The following NEK9 variants were observed in gnomAD, a reference collection of about 807,000 sequenced individuals.
NEK9 encodes NIMA related kinase 9.
A neutral mutation model predicts 123.4 loss-of-function variants in NEK9; 75 were observed. That is an observed-to-expected ratio of 0.61 (90% confidence interval 0.50 to 0.74). The LOEUF (loss-of-function observed/expected upper bound fraction) is 0.74. Ranked by LOEUF, NEK9 falls within the 30% of genes least tolerant of loss-of-function variation. The pLI, the probability that NEK9 is intolerant of heterozygous loss-of-function variation, is 0.00. For missense variants in NEK9, 952 were observed against 1,214.4 expected, an observed-to-expected ratio of 0.78 and a Z score of 3.21; for synonymous variants, 438 against 458.7, an observed-to-expected ratio of 0.95 and a Z score of 0.58.
chr14:75,106,137 T>C, intron 12 of NEK9, 141 bp from the exon 13 acceptor site: 2 of 738,566 alleles, frequency 2.7e-6, no homozygotes, highest in Non-Finnish European at 4.8e-6. Flanking sequence ...AGGTGGATCA[T>C]GAGGTCAGAA....
chr14:75,115,394 G>A (rs757863438), intron 6 of NEK9, among the ~76,000 whole-genome samples: 24 of 152,148 alleles, frequency 1.6e-4, no homozygotes, highest in Non-Finnish European at 2.2e-4. Flanking sequence ...TGGGATCACA[G>A]GCATGAGCCA....
At chr14:75,103,087 A>C (rs1894644949) in intron 14 of NEK9, among the ~76,000 whole-genome samples, 1 of 152,158 alleles carries the variant, frequency 6.6e-6, no homozygotes, top group African/African-American at 2.4e-5. Flanking sequence ...CGATATACCT[A>C]ATGTAAATGA....
chr14:75,113,809 A>G (rs1217940156), intron 7 of NEK9, among the ~76,000 whole-genome samples: 1 of 152,210 alleles, frequency 6.6e-6, no homozygotes, highest in Non-Finnish European at 1.5e-5. Flanking sequence ...GTTTCATGAA[A>G]CATACTTTGA....
chr14:75,120,411 C>T, intron 4 of NEK9, 99 bp downstream of exon 4: 1 of 738,692 alleles, frequency 1.4e-6, no homozygotes, highest in South Asian at 1.8e-5. Context: ...AAACTCTTGG[C>T]TGCTTAACCA....
chr14:75,119,782 A>G (rs1256568817), intron 4 of NEK9, among the ~76,000 whole-genome samples: 1 of 152,252 alleles, frequency 6.6e-6, no homozygotes, highest in Non-Finnish European at 1.5e-5. Flanking sequence ...ACCATATGTA[A>G]AACAAAATAA....
At chr14:75,089,768 G>A (rs1461368522) in intron 19 of NEK9, among the ~76,000 whole-genome samples, 5 of 151,290 alleles carry the variant, frequency 3.3e-5, no homozygotes, top group South Asian at 4.2e-4. Flanking sequence ...GCGCAATCTC[G>A]GCTCACTGCA....
rs1895564966 is a variant in NEK9 at position 75,127,045 on chromosome 14, T to C, written c.-124A>G. 1.4e-6 allele frequency: 1 copy of C among 717,284 alleles called. No individual in the cohort carries two copies. The highest frequency in any genetic ancestry group is 2.2e-6 in the Non-Finnish European group (1 of 459,004). 44.4% of individuals were successfully genotyped at this position (717,284 alleles called of 1,614,324 possible). On this transcript the variant is annotated 5_prime_UTR_variant, in exon 1 of 22. Transcript: ENST00000238616. ...AGCCCAGCAACCCCGCGAAGCTCGA[T>C]GGTGGCTCCTGCCCCCCGACCCGGA...
chr14:75,086,634 G>A lies in NEK9; in HGVS notation c.2817+384C>T, dbSNP rs143101150. 1,476 of 181,106 alleles carry A rather than the reference G, an allele frequency of 8.1e-3. 19 individuals are homozygous for A. The highest frequency in any genetic ancestry group is 0.033 in the African/African-American group (1,411 of 42,916). The allele number at this position is 181,106 out of a possible 1,614,324, so 11.2% of individuals were successfully genotyped here. A position where few individuals can be genotyped will look rare whatever the true frequency, so the allele number is the denominator to read the frequency against. On this transcript the variant is annotated intron_variant, in intron 21 of 21. Transcript: ENST00000238616. ...ATTAAAAACTAAGGATCGGCCAGGC[G>A]TGGTGGCTCACACCTGTAATCCCAG...
rs1893860154 is a variant in NEK9, at chr14:75,081,170, T to C, written c.*3394A>G. On this transcript the variant is annotated 3_prime_UTR_variant, in exon 22 of 22. Coordinates refer to ENST00000238616, the MANE Select transcript of NEK9 (RefSeq NM_033116.6). The surrounding 1 kb of genome is among the most constrained non-coding windows in gnomAD (Gnocchi z 4.2). ...TGTGTTAGCCAGGATGGTCTCGATC[T>C]CCTGACCTCGTGATCCGCCCGCCTC... The C allele has an allele frequency of 6.6e-6, 1 of 151,428 alleles. No individual in the cohort carries two copies. Among genetic ancestry groups the C allele is most frequent in the African/African-American group, 2.4e-5 (1 of 41,108 alleles). 9.4% of individuals were successfully genotyped at this position (151,428 alleles called of 1,614,324 possible).
In NEK9 at chr14:75,110,428, G is replaced by A. The variant is rs376528620; in HGVS notation, c.939-57C>T. 3,027 of 1,334,832 alleles carry A rather than the reference G, an allele frequency of 2.3e-3. 7 individuals carry two copies. The highest frequency in any genetic ancestry group is 2.6e-3 in the Non-Finnish European group (2,454 of 932,242). The allele number at this position is 1,334,832 out of a possible 1,614,324, so 82.7% of individuals were successfully genotyped here. ...AAATAATAGGTTTTTATATTGCAAA[G>A]GTGTCTGTTTAATACATTTCACAGA... On this transcript the variant is annotated intron_variant, in intron 8 of 21. Transcript: ENST00000238616.
Position 75,087,010 on chromosome 14 carries a change from G to T in NEK9, c.2817+8C>A. ...TTAGAAATTGGATTATTCTTTTAATGCTCTCACCTGCTGCCCTCCTTCTAA... is the reference window on the plus strand; with the variant it reads ...TTAGAAATTGGATTATTCTTTTAATTCTCTCACCTGCTGCCCTCCTTCTAA... On this transcript the variant is annotated splice_region_variant and intron_variant, in intron 21 of 21. Coordinates refer to ENST00000238616, the MANE Select transcript of NEK9 (RefSeq NM_033116.6). The T allele has an allele frequency of 6.2e-7, 1 of 1,611,870 alleles. No homozygotes were observed. Among genetic ancestry groups the T allele is most frequent in the Non-Finnish European group, 8.5e-7 (1 of 1,177,926 alleles).
intron 4 of NEK9, 74 bp downstream of exon 4, chr14:75,120,436 T>G: frequency 2.1e-6 from 2 of 954,346 alleles, no homozygotes; most frequent in Non-Finnish European, 3.3e-6. Context: ...AATAAAAGTG[T>G]TGTTGGGGGG....
At chr14:75,091,245 A>C (rs2139723985) in intron 19 of NEK9, 25 bp downstream of exon 19, 1 of 1,587,760 alleles carries the variant, frequency 6.3e-7, no homozygotes, top group Non-Finnish European at 8.6e-7. Context: ...TATTTTATCC[A>C]AGTTACTTCT....
chr14:75,100,221 C>A (rs963577262), intron 16 of NEK9, among the ~76,000 whole-genome samples: 1 of 140,348 alleles, frequency 7.1e-6, no homozygotes, highest in Non-Finnish European at 1.5e-5. Flanking sequence ...CCGAGGCAAG[C>A]GGATCACCTG....
intron 17 of NEK9, among the ~76,000 whole-genome samples, chr14:75,096,271 C>T (rs1045294079): frequency 8.9e-3 from 692 of 77,348 alleles, no homozygotes; most frequent in Admixed American, 0.012. Flanking sequence ...AGCGAGACTT[C>T]GTCTCAAAAA....
At chr14:75,105,719 G>A (rs1428327264) in intron 13 of NEK9, among the ~76,000 whole-genome samples, 1 of 152,160 alleles carries the variant, frequency 6.6e-6, no homozygotes, top group Non-Finnish European at 1.5e-5. Context: ...TGAGTAAGAT[G>A]TGACTTCACA....
At position 75,101,084 on chromosome 14, in the gene NEK9, C is replaced by T. The variant is rs777166333; in HGVS notation, c.1910G>A (p.Arg637His). Reference protein sequence around the residue: ...GQLGVGNYKKRLGINLLGGPL... With the variant: ...GQLGVGNYKKHLGINLLGGPL... ...TCCCCCCAACAGGTTGATTCCCAGA[C>T]GCTTCTTGTAGTTCCCAACGCCCAG... is the stretch of plus-strand genomic sequence containing the variant. Residue 637 changes from arginine to histidine, a missense_variant, in exon 16 of 22, where the codon CGT (arginine) becomes CAT (histidine). Physicochemically the swap from Arg to His is conservative, Grantham distance 29. This residue lies in a region of NEK9 where 698 missense variants were observed against 875.6 expected (regional missense o/e 0.80). Coordinates refer to ENST00000238616, the MANE Select transcript of NEK9 (RefSeq NM_033116.6). 6 of 1,614,254 alleles carry T rather than the reference C, an allele frequency of 3.7e-6. No homozygotes were observed. The highest frequency in any genetic ancestry group is 1.7e-5 in the Admixed American group (1 of 60,028).
In NEK9 at chr14:75,080,641, T is replaced by TC. The variant is rs1390008987; in HGVS notation, c.*3922dup. Reference sequence around the variant, plus strand: ...TATGCAGATGTGCCGAGACAGTATTTCTTTTTTTTTTTTTTTGAGACGGAG... The same window carrying TC: ...TATGCAGATGTGCCGAGACAGTATTTCCTTTTTTTTTTTTTTTGAGACGGAG... On this transcript the variant is annotated 3_prime_UTR_variant, in exon 22 of 22. Coordinates refer to ENST00000238616, the MANE Select transcript of NEK9 (RefSeq NM_033116.6). The TC allele has an allele frequency of 6.6e-6, 1 of 151,902 alleles. No homozygotes were observed. The highest frequency in any genetic ancestry group is 1.5e-5 in the Non-Finnish European group (1 of 67,978). 9.4% of individuals were successfully genotyped at this position (151,902 alleles called of 1,614,324 possible). A position where few individuals can be genotyped will look rare whatever the true frequency, so the allele number is the denominator to read the frequency against.
intron 14 of NEK9, among the ~76,000 whole-genome samples, chr14:75,102,464 C>T (rs1894617184): frequency 6.6e-6 from 1 of 152,020 alleles, no homozygotes. Context: ...TCTCCTGCCT[C>T]AGCCTCCCAA....
Sources: allele counts gnomAD v4.1 joint callset (sites outside exome capture counted in the v4.1 genomes callset), GRCh38; gene constraint gnomAD v4.1.1; regional missense constraint gnomAD v4.1.1; non-coding constraint Gnocchi (gnomAD v3.1); transcripts MANE v1.5; gene names NCBI Gene and HGNC (gene_info 2026-07-23, HGNC 2026-07-21).